Variants in LDB2 observed in about 807,000 individuals in gnomAD.
The protein encoded by LDB2 is LIM domain-binding protein 2.
Under a neutral mutation model 44.3 loss-of-function variants are expected in LDB2, and 12 were observed. The ratio of observed to expected loss-of-function variants is 0.27; its 90% CI spans 0.17 to 0.44. The LOEUF is 0.44. Among genes scored for constraint, LDB2 ranks in the 20% least tolerant of loss-of-function variants. The pLI is 1.00. For synonymous variants in LDB2, 164 were observed against 174.8 expected (o/e 0.94, Z 0.49); for missense variants, 344 against 473.5 (o/e 0.73, Z 2.54).
intron 2 of LDB2, among the ~76,000 whole-genome samples, chr4:16,755,090 T>G (rs1357503434): frequency 6.6e-6 from 1 of 152,202 alleles, no homozygotes; most frequent in Non-Finnish European, 1.5e-5. Flanking sequence ...ATTGTGGACC[T>G]GGACCTGGAC....
intron 5 of LDB2, among the ~76,000 whole-genome samples, chr4:16,518,910 C>T (rs1724910571): frequency 6.6e-6 from 1 of 152,162 alleles, no homozygotes; most frequent in South Asian, 2.1e-4. Flanking sequence ...AACCAGTCGC[C>T]CACACTAAGT....
chr4:16,893,649 T>A (rs1478885698), intron 1 of LDB2, among the ~76,000 whole-genome samples: 1 of 152,162 alleles, frequency 6.6e-6, no homozygotes, highest in Non-Finnish European at 1.5e-5. Context: ...TGTAATTCTA[T>A]AAAATCCTTG....
intron 2 of LDB2, among the ~76,000 whole-genome samples, chr4:16,749,192 C>A (rs1764949829): frequency 6.6e-6 from 1 of 151,802 alleles, no homozygotes; most frequent in Non-Finnish European, 1.5e-5. Context: ...GTGAAATACT[C>A]TAGCAATCTC....
At chr4:16,763,441 C>CACACACACACAA (rs778068598) in intron 1 of LDB2, among the ~76,000 whole-genome samples, 8 of 129,926 alleles carry the variant, frequency 6.2e-5, no homozygotes, top group African/African-American at 2.0e-4. Flanking sequence ...TAAACACGTA[C>CACACACACACAA]ACACACACAC....
chr4:16,722,359 C>A (rs1325064158), intron 2 of LDB2, among the ~76,000 whole-genome samples: 2 of 152,120 alleles, frequency 1.3e-5, no homozygotes, highest in South Asian at 2.1e-4. Flanking sequence ...CACATTTAAC[C>A]ACCTGCTACA....
At chr4:16,588,675 AG>A (rs1448514535) in intron 4 of LDB2, 34 bp downstream of exon 4, 1 of 1,606,312 alleles carries the variant, frequency 6.2e-7, no homozygotes, top group Non-Finnish European at 8.5e-7. Flanking sequence ...AGGAAAAAAA[AG>A]AAAAGAAAGC....
At chr4:16,639,715 CT>C (rs1184596658) in intron 2 of LDB2, among the ~76,000 whole-genome samples, 8 of 152,234 alleles carry the variant, frequency 5.3e-5, no homozygotes, top group Non-Finnish European at 1.2e-4. Flanking sequence ...CCACCTCAGC[CT>C]CCCAAAGTGT....
At chr4:16,690,523 A>G (rs1454589161) in intron 2 of LDB2, among the ~76,000 whole-genome samples, 7 of 10,932 alleles carry the variant, frequency 6.4e-4, no homozygotes, top group Non-Finnish European at 9.1e-4. Flanking sequence ...GGGAGGGGGG[A>G]GGGAGGGAGG....
intron 1 of LDB2, among the ~76,000 whole-genome samples, chr4:16,886,247 C>A (rs991943371): frequency 6.6e-6 from 1 of 152,028 alleles, no homozygotes; most frequent in African/African-American, 2.4e-5. Flanking sequence ...CAAACAAAAG[C>A]TGATCTCAAA....
In LDB2 at chr4:16,666,179, A is replaced by T. The variant is rs368927686; in HGVS notation, c.236-70304T>A. ...CCATAGAAACCTAAAGAGATGATGGAAAGCACAATAGGGCTGTGTTTTATC... is the reference window on the plus strand; with the variant it reads ...CCATAGAAACCTAAAGAGATGATGGTAAGCACAATAGGGCTGTGTTTTATC... On this transcript the variant is annotated intron_variant, in intron 2 of 7. Transcript: ENST00000304523. Among the ~76,000 whole-genome samples, 16 of 152,346 alleles carry T rather than the reference A, an allele frequency of 1.1e-4. 1 individual carries two copies. In the East Asian group the frequency reaches 2.7e-3, roughly 26 times the overall value.
At chr4:16,882,931 T>TA (rs892753554) in intron 1 of LDB2, among the ~76,000 whole-genome samples, 17 of 152,186 alleles carry the variant, frequency 1.1e-4, no homozygotes, top group Admixed American at 6.5e-4. Flanking sequence ...TTAACCTTTC[T>TA]AAAAAAAACT....
At chr4:16,539,868 C>T (rs1733152948) in intron 5 of LDB2, among the ~76,000 whole-genome samples, 1 of 152,118 alleles carries the variant, frequency 6.6e-6, no homozygotes, top group African/African-American at 2.4e-5. Flanking sequence ...GTGACTAATT[C>T]TGGACAAGGG....
intron 2 of LDB2, among the ~76,000 whole-genome samples, chr4:16,620,385 G>A (rs187211389): frequency 2.8e-4 from 43 of 152,322 alleles, no homozygotes; most frequent in African/African-American, 1.0e-3. Flanking sequence ...ACTCCTTAGA[G>A]TCTTAGATGC....
chr4:16,775,218 G>A (rs528364022), intron 1 of LDB2, among the ~76,000 whole-genome samples: 2 of 152,294 alleles, frequency 1.3e-5, no homozygotes, highest in Non-Finnish European at 2.9e-5. Context: ...ACATGGACCA[G>A]TGACTGGAAC....
intron 2 of LDB2, among the ~76,000 whole-genome samples, chr4:16,751,083 G>A (rs1334956286): frequency 6.6e-6 from 1 of 152,134 alleles, no homozygotes; most frequent in Non-Finnish European, 1.5e-5. Flanking sequence ...GTCACACAGA[G>A]TCAGGCAAAG....
intron 2 of LDB2, among the ~76,000 whole-genome samples, chr4:16,738,025 T>G (rs283019): frequency 0.23 from 35,339 of 152,160 alleles, 4,842 homozygotes; most frequent in Non-Finnish European, 0.32. Flanking sequence ...GTTATTGAAT[T>G]TAATAGTCAT....
intron 5 of LDB2, among the ~76,000 whole-genome samples, chr4:16,526,669 T>G (rs1728358988): frequency 6.6e-6 from 1 of 152,234 alleles, no homozygotes. Context: ...TGAGAAGGAC[T>G]TGGCCTGACA....
intron 1 of LDB2, among the ~76,000 whole-genome samples, chr4:16,782,015 G>C (rs1773350905): frequency 6.6e-6 from 1 of 152,206 alleles, no homozygotes. Flanking sequence ...GCGAGAGAGT[G>C]AATTTCTGTT....
intron 1 of LDB2, among the ~76,000 whole-genome samples, chr4:16,845,486 A>G (rs946736594): frequency 6.6e-6 from 1 of 152,186 alleles, no homozygotes; most frequent in African/African-American, 2.4e-5. Flanking sequence ...AAGACCTGAC[A>G]CATGTTAAGT....
Sources: gnomAD v4.1 joint callset for allele counts (sites outside exome capture counted in the v4.1 genomes callset) on GRCh38, gnomAD v4.1.1 for gene constraint, MANE v1.5 for transcripts, NCBI Gene and HGNC (gene_info 2026-07-23, HGNC 2026-07-21) for gene names.